APOB: variants seen among roughly 807,000 people sequenced by gnomAD.
APOB encodes apolipoprotein B, also known as apolipoprotein B-100.
In APOB, 153 loss-of-function variants were observed where a neutral mutation model predicts 314.1. The ratio of observed to expected loss-of-function variants is 0.49; its 90% CI spans 0.43 to 0.56. The LOEUF (loss-of-function observed/expected upper bound fraction) is 0.56. Among genes scored for constraint, APOB ranks in the 20% least tolerant of loss-of-function variants. APOB has a pLI of 0.00. For missense variants in APOB, 5,430 were observed against 5,350.7 expected, an observed-to-expected ratio of 1.01 and a Z score of -0.46; for synonymous variants, 2,087 against 2,036.4, an observed-to-expected ratio of 1.02 and a Z score of -0.67.
intron 3 of APOB, 103 bp downstream of exon 3, chr2:21,042,258 C>G: frequency 1.2e-6 from 1 of 847,606 alleles, no homozygotes. Flanking sequence ...TCTGCGTTTG[C>G]TCAGTACACA....
intron 7 of APOB, 64 bp downstream of exon 7, chr2:21,035,520 T>G: frequency 6.2e-7 from 1 of 1,601,562 alleles, no homozygotes; most frequent in Non-Finnish European, 8.5e-7. Context: ...ACAGAGCACT[T>G]GAGAAGTGTT....
In APOB at chr2:21,002,652, A is replaced by G. The variant is rs757398908; in HGVS notation, c.12770T>C (p.Leu4257Ser). Residue 4257 changes from leucine (L) to serine (S), a missense_variant, in exon 29 of 29, where the codon TTA (leucine) becomes TCA (serine). Transcript: ENST00000233242. ...TACATCTATTAGTTTATGTTTCCTT[A>G]ACTCGAAAGGAAGTGTAATCACTAG... ...QDLVITLPFE[L>S]RKHKLIDVIS... 1 of 1,613,674 alleles carries G rather than the reference A, an allele frequency of 6.2e-7. No homozygotes were observed. The highest frequency in any genetic ancestry group is 8.5e-7 in the Non-Finnish European group (1 of 1,179,726).
At chr2:21,039,639 A>G (rs1380197350) in intron 4 of APOB, among the ~76,000 whole-genome samples, 2 of 152,216 alleles carry the variant, frequency 1.3e-5, no homozygotes, top group East Asian at 1.9e-4. Context: ...AAATATCACT[A>G]TGTTCTCAAT....
In APOB at chr2:21,007,423, C is replaced by G; in HGVS notation, c.9445G>C (p.Asp3149His). Residue 3149 changes from aspartate (D) to histidine (H), a missense_variant, in exon 26 of 29, where the codon GAT (aspartate) becomes CAT (histidine). This residue lies in a region of APOB where 3,281 missense variants were observed against 3,171.0 expected (regional missense o/e 1.03). Transcript: ENST00000233242. ...CCTGTTTTTTCCCATAGAGAGAAAT[C>G]TTTCAGTGGAGGAGTTGTGATTATT... Reference protein sequence around the residue: ...YTIITTPPLKDFSLWEKTGLK... With the variant: ...YTIITTPPLKHFSLWEKTGLK... 1.2e-6 allele frequency: 2 copies of G among 1,613,970 alleles called. No individual in the cohort carries two copies. The highest frequency in any genetic ancestry group is 1.7e-6 in the Non-Finnish European group (2 of 1,179,956).
At position 21,011,570 on chromosome 2, in the gene APOB, G is replaced by T. The variant is rs1233873196; in HGVS notation, c.5298C>A (p.Phe1766Leu). The T allele has an allele frequency of 1.2e-6, 2 of 1,614,080 alleles. No individual in the cohort carries two copies. Among genetic ancestry groups the T allele is most frequent in the African/African-American group, 2.7e-5 (2 of 74,928 alleles). Residue 1766 changes from phenylalanine to leucine, a missense_variant, in exon 26 of 29, where the codon TTC (phenylalanine) becomes TTA (leucine). Phe to Leu is a conservative substitution (Grantham distance 22). Coordinates refer to ENST00000233242, the MANE Select transcript of APOB (RefSeq NM_000384.3). ...SLNIAGLSLD[F>L]SSKLDNIYSS... ...TGTAAATGTTGTCAAGTTTTGAAGA[G>T]AAGTCCAGTGATAAGCCTGCAATGT... is the stretch of plus-strand genomic sequence containing the variant.
intron 23 of APOB, 131 bp downstream of exon 23, chr2:21,014,942 C>T (rs2103362370): frequency 9.9e-7 from 1 of 1,013,140 alleles, no homozygotes; most frequent in South Asian, 1.4e-5. Flanking sequence ...TTTTTTTCTC[C>T]CCAAGAATTC....
At chr2:21,003,453 AG>A (rs1282748105) in intron 28 of APOB, 119 bp from the exon 29 acceptor site, 2 of 912,176 alleles carry the variant, frequency 2.2e-6, no homozygotes, top group African/African-American at 3.3e-5. Flanking sequence ...ATATACTGAA[AG>A]GGATTTATCT....
At chr2:21,012,770 T>A in intron 25 of APOB, 119 bp from the exon 26 acceptor site, 4 of 1,063,784 alleles carry the variant, frequency 3.8e-6, no homozygotes, top group South Asian at 3.0e-5. Flanking sequence ...TGCAATAGAC[T>A]CCTCCATCTG....
At position 21,001,886 on chromosome 2, in the gene APOB, T is replaced by C; in HGVS notation, c.13536A>G (p.Lys4512=). ...FSDQLSDYYE[K]FIAESKRLID... ...TCAATCTTTTGGATTCAGCAATAAA[T>C]TTTTCATAGTAATCAGAGAGTTGGT... Residue 4512 remains lysine (K), a synonymous_variant, in exon 29 of 29, where the codon AAA becomes AAG. Transcript: ENST00000233242. The C allele has an allele frequency of 1.2e-6, 2 of 1,614,048 alleles. No homozygotes were observed. Among genetic ancestry groups the C allele is most frequent in the Non-Finnish European group, 1.7e-6 (2 of 1,179,976 alleles).
chr2:21,034,412 C>T (rs1189743151), intron 8 of APOB, among the ~76,000 whole-genome samples: 1 of 152,150 alleles, frequency 6.6e-6, no homozygotes, highest in Non-Finnish European at 1.5e-5. Context: ...AAGGGTTGGA[C>T]TTGAGATTGT....
Position 21,019,852 on chromosome 2 carries a change from A to G in APOB, c.2870T>C (p.Ile957Thr). 2 of 1,614,194 alleles carry G rather than the reference A, an allele frequency of 1.2e-6. No individual in the cohort carries two copies. Among genetic ancestry groups the G allele is most frequent in the Non-Finnish European group, 1.7e-6 (2 of 1,180,036 alleles). Residue 957 changes from isoleucine (I) to threonine (T), a missense_variant, in exon 19 of 29, where the codon ATT becomes ACT. This residue lies in a region of APOB where 2,085 missense variants were observed against 2,079.7 expected (regional missense o/e 1.00). Transcript: ENST00000233242. ...TTKTEVIPPL[I>T]ENRQSWSVCK... ...AACTGACCAGGACTGCCTGTTCTCA[A>G]TGAGAGGTGGGATCACCTCCGTTTT...
rs200584734 is a variant in APOB, at chr2:21,007,345, C to A, written c.9523G>T (p.Ala3175Ser). Residue 3175 changes from alanine to serine, a missense_variant, in exon 26 of 29, where the codon GCT becomes TCT. Coordinates refer to ENST00000233242, the MANE Select transcript of APOB (RefSeq NM_000384.3). ...TKQSFDLSVK[A>S]QYKKNKHRHS... ...CTGTGTTTGTTTTTCTTATACTGAG[C>A]TTTTACACTTAAATCAAATGATTGC... The A allele has an allele frequency of 6.2e-7, 1 of 1,613,958 alleles. No individual in the cohort carries two copies. The highest frequency in any genetic ancestry group is 8.5e-7 in the Non-Finnish European group (1 of 1,179,950).
rs1167941057 is a variant in APOB, at chr2:21,024,978, C to G, written c.2391G>C (p.Lys797Asn). Residue 797 changes from lysine (K) to asparagine (N), a missense_variant, in exon 16 of 29, where the codon AAG becomes AAC. Lys to Asn is a moderately conservative substitution (Grantham distance 94). Coordinates refer to ENST00000233242, the MANE Select transcript of APOB (RefSeq NM_000384.3). Reference sequence around the variant, plus strand: ...GAGTGCGGGCACCCATCAGAAGCAGCTTTCCCAGGAGCTGGAGGTCATGGA... The same window carrying G: ...GAGTGCGGGCACCCATCAGAAGCAGGTTTCCCAGGAGCTGGAGGTCATGGA... ...ASLHDLQLLGKLLLMGARTLQ... is the reference protein window; with the variant it reads ...ASLHDLQLLGNLLLMGARTLQ... 1 of 1,614,082 alleles carries G rather than the reference C, an allele frequency of 6.2e-7. No individual in the cohort carries two copies. Among genetic ancestry groups the G allele is most frequent in the Non-Finnish European group, 8.5e-7 (1 of 1,180,042 alleles).
rs762035564 is a variant in APOB at position 21,002,276 on chromosome 2, C to G, written c.13146G>C (p.Met4382Ile). 10 of 1,613,818 alleles carry G rather than the reference C, an allele frequency of 6.2e-6. No homozygotes were observed. The African/African-American group carries it at 1.2e-4, about 19-fold the overall frequency. Reference protein sequence around the residue: ...QELQQIHQYIMALREEYFDPS... With the variant: ...QELQQIHQYIIALREEYFDPS... ...GATCAAAATATTCTTCACGAAGGGC[C>G]ATAATGTATTGATGGATCTGCTGTA... Residue 4382 changes from methionine to isoleucine, a missense_variant, in exon 29 of 29, where the codon ATG (methionine) becomes ATC (isoleucine). Transcript: ENST00000233242.
At chr2:21,023,359 C>T (rs898668891) in intron 17 of APOB, 166 bp downstream of exon 17, 14 of 782,122 alleles carry the variant, frequency 1.8e-5, no homozygotes, top group Non-Finnish European at 2.8e-5. Context: ...TGAGGTAGTG[C>T]ATTCTGGTGG....
chr2:21,025,606 C>T (rs1663709129), intron 15 of APOB, among the ~76,000 whole-genome samples: 1 of 151,702 alleles, frequency 6.6e-6, no homozygotes, highest in African/African-American at 2.4e-5. Context: ...GATGCCCAGG[C>T]ATTGGGAAAA....
Position 21,023,622 on chromosome 2 carries a change from A to G in APOB, c.2507T>C (p.Phe836Ser). 6.2e-7 allele frequency: 1 copy of G among 1,614,170 alleles called. No individual in the cohort carries two copies. Among genetic ancestry groups the G allele is most frequent in the Non-Finnish European group, 8.5e-7 (1 of 1,180,016 alleles). ...TAATCCAGCTCCAGTGGGGAGTTCA[A>G]AGGCATTCTCCATGAAGATGTAGTG... is the stretch of plus-strand genomic sequence containing the variant. ...FLHYIFMENA[F>S]ELPTGAGLQL... The change falls in exon 17 of 29, where the codon TTT becomes TCT. Residue 836 changes from phenylalanine to serine, a missense_variant. Physicochemically the swap from Phe to Ser is radical, Grantham distance 155. Around this residue, in one of 3 missense-constraint regions of APOB, gnomAD observed 2,085 missense variants for 2,079.7 expected, o/e 1.00. Coordinates refer to ENST00000233242, the MANE Select transcript of APOB (RefSeq NM_000384.3).
intron 21 of APOB, among the ~76,000 whole-genome samples, chr2:21,016,198 G>T (rs988268277): frequency 2.0e-5 from 3 of 152,036 alleles, no homozygotes; most frequent in Admixed American, 2.0e-4. Flanking sequence ...TTAAGCAGGA[G>T]AATCACTTGA....
chr2:21,021,200 C>T (rs1164830688), intron 18 of APOB, among the ~76,000 whole-genome samples: 2 of 152,198 alleles, frequency 1.3e-5, no homozygotes, highest in African/African-American at 4.8e-5. Flanking sequence ...CACTGTAGTT[C>T]TTATTAAAAT....
Sources: gnomAD v4.1 joint callset for allele counts (sites outside exome capture counted in the v4.1 genomes callset) on GRCh38, gnomAD v4.1.1 for gene constraint, gnomAD v4.1.1 regional missense constraint, MANE v1.5 for transcripts, NCBI Gene and HGNC (gene_info 2026-07-23, HGNC 2026-07-21) for gene names.